The following TATDN1 variants were observed in gnomAD, a reference collection of about 807,000 sequenced individuals.
TATDN1 encodes TatD DNase domain containing 1, also known as deoxyribonuclease TATDN1.
Under a neutral mutation model 46.4 loss-of-function variants are expected in TATDN1, and 40 were observed. That is an observed-to-expected ratio of 0.86 (90% CI 0.67 to 1.12). The LOEUF (loss-of-function observed/expected upper bound fraction) is 1.12. TATDN1 is among the 50% of genes most tolerant of loss of function. TATDN1 has a pLI of 0.00. For missense variants in TATDN1, 326 were observed against 348.4 expected, an observed-to-expected ratio of 0.94 and a Z score of 0.51; for synonymous variants, 95 against 105.6, an observed-to-expected ratio of 0.90 and a Z score of 0.62.
At chr8:124,513,944 A>G (rs540351418) in intron 6 of TATDN1, among the ~76,000 whole-genome samples, 21 of 152,356 alleles carry the variant, frequency 1.4e-4, no homozygotes, top group East Asian at 1.9e-4. Context: ...GCTGGCCTAC[A>G]TAATATTCGA....
At chr8:124,497,052 C>T (rs2131359980) in intron 9 of TATDN1, among the ~76,000 whole-genome samples, 1 of 152,314 alleles carries the variant, frequency 6.6e-6, no homozygotes, top group East Asian at 1.9e-4. Context: ...CAGTGGCATA[C>T]ATTCTAAGTT....
chr8:124,488,744 T>C, intron 11 of TATDN1, 48 bp from the exon 12 acceptor site: 1 of 1,077,410 alleles, frequency 9.3e-7, no homozygotes, highest in Non-Finnish European at 1.4e-6. Context: ...AGTATACATT[T>C]AGTTCTAAAG....
chr8:124,516,124 G>C, intron 4 of TATDN1, 94 bp from the exon 5 acceptor site: 1 of 1,104,044 alleles, frequency 9.1e-7, no homozygotes, highest in Non-Finnish European at 1.2e-6. Flanking sequence ...AATTTCAACT[G>C]GTTTTCAACA....
chr8:124,537,142 C>A (rs560192094), intron 1 of TATDN1, among the ~76,000 whole-genome samples: 9 of 152,264 alleles, frequency 5.9e-5, no homozygotes, highest in Admixed American at 5.9e-4. Flanking sequence ...TTTCTTATCA[C>A]CTTAGCACTA....
At chr8:124,522,903 G>C in intron 2 of TATDN1, 34 bp downstream of exon 2, 1 of 1,581,762 alleles carries the variant, frequency 6.3e-7, no homozygotes, top group Non-Finnish European at 8.7e-7. Flanking sequence ...TGTCTTCATA[G>C]GAAACTATTC....
chr8:124,516,637 A>T (rs1819498885), intron 4 of TATDN1, among the ~76,000 whole-genome samples: 1 of 151,482 alleles, frequency 6.6e-6, no homozygotes, highest in Admixed American at 6.6e-5. Context: ...TTCACCATTC[A>T]TGTGACTATC....
chr8:124,518,473 G>A (rs192664024), intron 4 of TATDN1, among the ~76,000 whole-genome samples: 7 of 149,488 alleles, frequency 4.7e-5, no homozygotes, highest in South Asian at 2.1e-4. Flanking sequence ...GCAGTGAGCC[G>A]AGATCGCACC....
intron 8 of TATDN1, among the ~76,000 whole-genome samples, chr8:124,508,113 T>A (rs967931267): frequency 2.6e-5 from 4 of 152,248 alleles, no homozygotes; most frequent in African/African-American, 9.6e-5. Context: ...CACATAAATG[T>A]TAAGTATCCC....
At chr8:124,509,198 T>G (rs1818793424) in intron 6 of TATDN1, among the ~76,000 whole-genome samples, 1 of 152,254 alleles carries the variant, frequency 6.6e-6, no homozygotes, top group Admixed American at 6.5e-5. Flanking sequence ...GCCCTGAATA[T>G]CTTAAAGAGT....
At chr8:124,494,023 ATC>A (rs1174969073) in intron 10 of TATDN1, 64 bp from the exon 11 acceptor site, 4 of 1,465,948 alleles carry the variant, frequency 2.7e-6, no homozygotes, top group Non-Finnish European at 3.7e-6. Flanking sequence ...TATGACCATT[ATC>A]TAATATATAA....
chr8:124,503,095 AAAC>A (rs1818116288), intron 9 of TATDN1, among the ~76,000 whole-genome samples: 2 of 152,346 alleles, frequency 1.3e-5, no homozygotes, highest in South Asian at 4.1e-4. Context: ...CATAATAAGG[AAAC>A]AACATTTATA....
intron 1 of TATDN1, among the ~76,000 whole-genome samples, chr8:124,527,991 C>A (rs1820644692): frequency 1.3e-5 from 2 of 152,064 alleles, no homozygotes; most frequent in Non-Finnish European, 2.9e-5. Context: ...TTCTTGCAGT[C>A]CTATTATAAG....
At chr8:124,534,475 G>A (rs1449972327) in intron 1 of TATDN1, among the ~76,000 whole-genome samples, 1 of 152,114 alleles carries the variant, frequency 6.6e-6, no homozygotes, top group African/African-American at 2.4e-5. Flanking sequence ...ACAATACTCT[G>A]AATTTTTTGT....
At position 124,508,660 on chromosome 8, in the gene TATDN1, C is replaced by G. The variant is rs1818724929; in HGVS notation, c.418G>C (p.Glu140Gln). The change falls in exon 7 of 12, where the codon GAA becomes CAA. Residue 140 changes from glutamate to glutamine, a missense_variant. Glu to Gln is a conservative substitution (Grantham distance 29). Coordinates refer to ENST00000276692, the MANE Select transcript of TATDN1 (RefSeq NM_032026.4). ...KYFEKQFELS[E>Q]QTKLPMFLHC... is the part of the protein sequence containing the mutation. Reference sequence around the variant, plus strand: ...AGAAACATTGGTAATTTTGTTTGTTCTGACAGTTCAAACTGTTTTTCAAAA... The same window carrying G: ...AGAAACATTGGTAATTTTGTTTGTTGTGACAGTTCAAACTGTTTTTCAAAA... 4 of 1,582,902 alleles carry G rather than the reference C, an allele frequency of 2.5e-6. No homozygotes were observed. Among genetic ancestry groups the G allele is most frequent in the Non-Finnish European group, 3.4e-6 (4 of 1,165,366 alleles).
intron 4 of TATDN1, among the ~76,000 whole-genome samples, chr8:124,516,305 AT>A (rs913820200): frequency 1.7e-3 from 250 of 144,040 alleles, no homozygotes; most frequent in Middle Eastern, 3.6e-3. Context: ...GCAAAGTGAA[AT>A]TTTTTTTTTT....
At chr8:124,497,679 G>T (rs944329077) in intron 9 of TATDN1, among the ~76,000 whole-genome samples, 2 of 152,160 alleles carry the variant, frequency 1.3e-5, no homozygotes, top group Non-Finnish European at 2.9e-5. Context: ...CTATTTCACA[G>T]GTGGTGGTGT....
intron 1 of TATDN1, among the ~76,000 whole-genome samples, chr8:124,532,600 T>TATA: frequency 6.6e-6 from 1 of 152,288 alleles, no homozygotes; most frequent in Middle Eastern, 3.4e-3. Context: ...TTGTTCTTAA[T>TATA]AGGTTGTCCA....
chr8:124,494,754 C>T (rs1186296473), intron 10 of TATDN1: 12 of 151,198 alleles, frequency 7.9e-5, no homozygotes, highest in African/African-American at 2.7e-4. Flanking sequence ...CTGAGTTTCG[C>T]CCTTGTTGCC....
chr8:124,509,965 A>G (rs1332406851), intron 6 of TATDN1, among the ~76,000 whole-genome samples: 2 of 149,014 alleles, frequency 1.3e-5, no homozygotes, highest in African/African-American at 4.9e-5. Context: ...CCAGGGTCAG[A>G]GGTTGCAGTG....
Sources: gnomAD v4.1 joint callset for allele counts (sites outside exome capture counted in the v4.1 genomes callset) on GRCh38, gnomAD v4.1.1 for gene constraint, MANE v1.5 for transcripts, NCBI Gene and HGNC (gene_info 2026-07-23, HGNC 2026-07-21) for gene names.